SCAMP2: variants seen among roughly 807,000 people sequenced by gnomAD.
SCAMP2 encodes secretory carrier-associated membrane protein 2.
SCAMP2 carries 25 observed loss-of-function variants against 44.1 expected under a neutral mutation model. The observed-to-expected ratio is 0.57, with a 90% CI of 0.41 to 0.79. SCAMP2 has a LOEUF of 0.79. Ranked by LOEUF, SCAMP2 falls within the 30% of genes least tolerant of loss-of-function variation. The probability of loss-of-function intolerance (pLI) is 0.00; values close to 1 mark genes in which losing one functional copy is unlikely to be tolerated. For missense variants in SCAMP2, 355 were observed against 411.0 expected (o/e 0.86, Z 1.18); for synonymous variants, 156 against 166.0 (o/e 0.94, Z 0.46).
intron 1 of SCAMP2, among the ~76,000 whole-genome samples, chr15:74,862,891 CACACACAT>C (rs1465269636): frequency 5.0e-5 from 7 of 140,942 alleles, no homozygotes; most frequent in Non-Finnish European, 7.5e-5. Context: ...CACACACACA[CACACACAT>C]ATTTTTAAAA....
chr15:74,853,688 C>T (rs1273716578), intron 3 of SCAMP2: 2 of 428,902 alleles, frequency 4.7e-6, no homozygotes, highest in African/African-American at 4.0e-5. Flanking sequence ...AGATTCTGGG[C>T]CCCAAGGAAG....
At chr15:74,854,517 C>A (rs2064455491) in intron 2 of SCAMP2, 64 bp downstream of exon 2, 10 of 1,355,212 alleles carry the variant, frequency 7.4e-6, no homozygotes, top group Admixed American at 2.0e-5. Flanking sequence ...AGGATCCCTG[C>A]CCCGGACACC....
At position 74,870,530 on chromosome 15, in the gene SCAMP2, T is replaced by A. The variant is rs2064568543; in HGVS notation, c.57+2669A>T. Among the ~76,000 whole-genome samples, 2 of 152,154 alleles carry A rather than the reference T, an allele frequency of 1.3e-5. 1 individual carries two copies. The highest frequency in any genetic ancestry group is 4.1e-4 in the South Asian group (2 of 4,832). On this transcript the variant is annotated intron_variant, in intron 1 of 8. Transcript: ENST00000268099. Reference sequence around the variant, plus strand: ...CAGTATTATACAGCAGTTTTGTAATTAAAGTCTGTTACCAGAAGACATTGG... The same window carrying A: ...CAGTATTATACAGCAGTTTTGTAATAAAAGTCTGTTACCAGAAGACATTGG...
intron 1 of SCAMP2, chr15:74,872,927 C>A: frequency 2.3e-6 from 1 of 429,186 alleles, no homozygotes; most frequent in Non-Finnish European, 4.1e-6. Context: ...ACCGTACCTG[C>A]TCCAGTCCCC....
In SCAMP2 at chr15:74,848,674, C is replaced by T. The variant is rs2141171162; in HGVS notation, c.660G>A (p.Val220=). 1 of 1,613,662 alleles carries T rather than the reference C, an allele frequency of 6.2e-7. No homozygotes were observed. The highest frequency in any genetic ancestry group is 1.7e-5 in the Admixed American group (1 of 60,010). ...FRSDNSFSFF[V]FFFVFFCQIG... is the part of the protein sequence containing the mutation. ...TTTGACAAAAAAATACAAAGAAGAA[C>T]ACAAAGAAGCTGAAAGAGTTGTCGG... is the stretch of plus-strand genomic sequence containing the variant. The change falls in exon 7 of 9, where the codon GTG becomes GTA. Residue 220 remains valine (V), a synonymous_variant. Coordinates refer to ENST00000268099, the MANE Select transcript of SCAMP2 (RefSeq NM_005697.5).
intron 1 of SCAMP2, among the ~76,000 whole-genome samples, chr15:74,856,153 G>A (rs576196713): frequency 6.6e-6 from 1 of 151,934 alleles, no homozygotes; most frequent in Non-Finnish European, 1.5e-5. Flanking sequence ...CCTGCCTGTG[G>A]AGACACCGCT....
intron 1 of SCAMP2, among the ~76,000 whole-genome samples, chr15:74,865,583 T>C (rs1000423999): frequency 5.9e-5 from 9 of 151,292 alleles, no homozygotes; most frequent in African/African-American, 2.2e-4. Flanking sequence ...GAGTTTGAAA[T>C]AGTGGTCTGA....
intron 1 of SCAMP2, among the ~76,000 whole-genome samples, chr15:74,871,763 G>A (rs1166462771): frequency 1.4e-5 from 2 of 144,498 alleles, no homozygotes; most frequent in African/African-American, 2.6e-5. Flanking sequence ...AAAAAAAAGA[G>A]GCCAGGTGTG....
At chr15:74,861,563 G>A (rs749484537) in intron 1 of SCAMP2, among the ~76,000 whole-genome samples, 8 of 152,102 alleles carry the variant, frequency 5.3e-5, no homozygotes, top group Non-Finnish European at 7.3e-5. Context: ...GGCCCACAAC[G>A]CCACTAAGCA....
At chr15:74,848,861 C>T (rs1457871182) in intron 6 of SCAMP2, among the ~76,000 whole-genome samples, 160 bp from the exon 7 acceptor site, 20 of 152,040 alleles carry the variant, frequency 1.3e-4, no homozygotes, top group Admixed American at 1.3e-3. Flanking sequence ...GACACGCACA[C>T]ACCCCCCACC....
At chr15:74,848,099 ACT>A (rs1437593908) in intron 7 of SCAMP2, among the ~76,000 whole-genome samples, 2 of 148,040 alleles carry the variant, frequency 1.4e-5, no homozygotes, top group Non-Finnish European at 1.5e-5. Flanking sequence ...ACAGGATCTC[ACT>A]CTGTCACCCA....
chr15:74,845,601 G>T lies in SCAMP2; in HGVS notation c.735-8C>A. 1 of 1,613,662 alleles carries T rather than the reference G, an allele frequency of 6.2e-7. No homozygotes were observed. The highest frequency in any genetic ancestry group is 1.1e-5 in the South Asian group (1 of 91,050). On this transcript the variant is annotated splice_polypyrimidine_tract_variant and splice_region_variant and intron_variant, in intron 7 of 8. Transcript: ENST00000268099. ...AGGGCTGCAATCCAACCGCTATAAA[G>T]GGAAGAAGAGGCCAGAGGGAGCAAA...
In SCAMP2 at chr15:74,844,949, G is replaced by A. The variant is rs2064384951; in HGVS notation, c.*134C>T. On this transcript the variant is annotated 3_prime_UTR_variant, in exon 9 of 9. Coordinates refer to ENST00000268099, the MANE Select transcript of SCAMP2 (RefSeq NM_005697.5). ...GTTCCAGGGAGAGCTGGTCGCTGAG[G>A]GAGGAGGAAGAGCCACGGCAAGAAC... 3.0e-6 allele frequency: 3 copies of A among 1,000,570 alleles called. No homozygotes were observed. Among genetic ancestry groups the A allele is most frequent in the Non-Finnish European group, 1.5e-6 (1 of 682,166 alleles). The allele number at this position is 1,000,570 out of a possible 1,614,324, so 62.0% of individuals were successfully genotyped here.
At chr15:74,857,276 G>A (rs925816617) in intron 1 of SCAMP2, among the ~76,000 whole-genome samples, 1 of 152,144 alleles carries the variant, frequency 6.6e-6, no homozygotes, top group Non-Finnish European at 1.5e-5. Context: ...TGCCCTGATG[G>A]CTCCTGCAAC....
chr15:74,848,430 T>A (rs1442474819), intron 7 of SCAMP2, 170 bp downstream of exon 7: 2 of 514,652 alleles, frequency 3.9e-6, no homozygotes, highest in African/African-American at 3.9e-5. Context: ...TGGCTACTGA[T>A]GAAGAACTGG....
chr15:74,873,046 C>G, intron 1 of SCAMP2, 153 bp downstream of exon 1: 1 of 619,630 alleles, frequency 1.6e-6, no homozygotes, highest in Middle Eastern at 3.4e-4. Flanking sequence ...GCCCCTCACG[C>G]GTTACGATAG....
At chr15:74,861,900 C>CAA (rs71140103) in intron 1 of SCAMP2, among the ~76,000 whole-genome samples, 20 of 44,214 alleles carry the variant, frequency 4.5e-4, no homozygotes, top group African/African-American at 1.0e-3. Flanking sequence ...GACTCTGTCT[C>CAA]AAAAAAAAAA....
intron 7 of SCAMP2, among the ~76,000 whole-genome samples, chr15:74,848,013 T>A (rs2064410889): frequency 6.6e-6 from 1 of 150,572 alleles, no homozygotes; most frequent in South Asian, 2.1e-4. Flanking sequence ...GCCTAAAGAG[T>A]CAAGCCAAGT....
chr15:74,851,896 G>C (rs997804500), intron 4 of SCAMP2, 173 bp downstream of exon 4: 26 of 515,752 alleles, frequency 5.0e-5, no homozygotes, highest in Non-Finnish European at 8.6e-5. Context: ...CTACACTGCA[G>C]GTCTCCTGAC....
Sources: gnomAD v4.1 joint callset for allele counts (sites outside exome capture counted in the v4.1 genomes callset) on GRCh38, gnomAD v4.1.1 for gene constraint, MANE v1.5 for transcripts, NCBI Gene and HGNC (gene_info 2026-07-23, HGNC 2026-07-21) for gene names.